PCMTD2: variants seen among roughly 807,000 people sequenced by gnomAD.
PCMTD2 encodes the protein protein-L-isoaspartate (D-aspartate) O-methyltransferase domain containing 2, also known as protein-L-isoaspartate O-methyltransferase domain-containing protein 2.
A neutral mutation model predicts 33.4 loss-of-function variants in PCMTD2; 16 were observed. The observed-to-expected ratio is 0.48, with a 90% confidence interval of 0.32 to 0.73. The LOEUF (loss-of-function observed/expected upper bound fraction) is 0.73. Ranked by LOEUF, PCMTD2 falls within the 30% of genes least tolerant of loss-of-function variation. PCMTD2 has a pLI of 0.03. For missense variants in PCMTD2, 374 were observed against 449.9 expected, an observed-to-expected ratio of 0.83 and a Z score of 1.53; for synonymous variants, 161 against 160.8, an observed-to-expected ratio of 1.00 and a Z score of -0.01.
At chr20:64,261,194 G>C (rs563809725) in intron 2 of PCMTD2, among the ~76,000 whole-genome samples, 81 of 152,230 alleles carry the variant, frequency 5.3e-4, no homozygotes, top group Non-Finnish European at 1.0e-3. Flanking sequence ...TGTGAGGGGC[G>C]GGGAAGGCAT....
rs150319731 is a variant in PCMTD2 at position 64,258,392 on chromosome 20, G to T, written c.-24-1550G>T. Among the ~76,000 whole-genome samples, 248 of 152,166 alleles carry T rather than the reference G, an allele frequency of 1.6e-3. 2 individuals are homozygous for T. The highest frequency in any genetic ancestry group is 5.7e-3 in the African/African-American group (236 of 41,520). On this transcript the variant is annotated intron_variant, in intron 1 of 5. Transcript: ENST00000308824. ...GAAACAATTCAAAAAATTCAAAAAG[G>T]GTGTGAAAATTTAATGACTGGACCA...
chr20:64,257,890 A>G (rs1009649632), intron 1 of PCMTD2, among the ~76,000 whole-genome samples: 18 of 152,216 alleles, frequency 1.2e-4, no homozygotes, highest in South Asian at 4.1e-4. Flanking sequence ...GCCAGCTCCA[A>G]TTTGCTTCTT....
In PCMTD2 at chr20:64,264,439, T is replaced by C. The variant is rs768787975; in HGVS notation, c.318T>C (p.Gly106=). Residue 106 remains glycine, a synonymous_variant, in exon 3 of 6, where the codon GGT becomes GGC. Coordinates refer to ENST00000308824, the MANE Select transcript of PCMTD2 (RefSeq NM_018257.3). ...SMVGLILGPF[G]VNHGVELHSD... ...TCTTAAACCTTTTAGGTCCTTTTGG[T>C]GTGAACCATGGGGTGGAACTTCACT... 5 of 1,573,500 alleles carry C rather than the reference T, an allele frequency of 3.2e-6. No homozygotes were observed. The Admixed American group carries it at 5.0e-5, about 16-fold the overall frequency.
intron 5 of PCMTD2, 139 bp downstream of exon 5, chr20:64,268,149 GCAAT>G (rs1555819886): frequency 1.2e-4 from 61 of 491,144 alleles, no homozygotes; most frequent in Non-Finnish European, 1.9e-4. Flanking sequence ...AATTCTACAA[GCAAT>G]TTCAGGCATT....
chr20:64,264,764 A>G (rs975743453), intron 3 of PCMTD2, among the ~76,000 whole-genome samples: 5 of 152,250 alleles, frequency 3.3e-5, no homozygotes, highest in African/African-American at 9.6e-5. Context: ...TTTCCTGTTG[A>G]AGACAACTGT....
chr20:64,257,377 A>AGT (rs1415455258), intron 1 of PCMTD2, among the ~76,000 whole-genome samples: 15 of 152,252 alleles, frequency 9.9e-5, no homozygotes, highest in Non-Finnish European at 2.1e-4. Flanking sequence ...GACTGTTGCT[A>AGT]GTTACCACAG....
At chr20:64,266,215 C>T (rs1386351128) in intron 4 of PCMTD2, among the ~76,000 whole-genome samples, 2 of 152,026 alleles carry the variant, frequency 1.3e-5, no homozygotes, top group South Asian at 2.1e-4. Context: ...ACTATAGGCA[C>T]GTGCTGCCAT....
chr20:64,258,419 C>G (rs1006361895), intron 1 of PCMTD2, among the ~76,000 whole-genome samples: 1 of 152,202 alleles, frequency 6.6e-6, no homozygotes, highest in Non-Finnish European at 1.5e-5. Flanking sequence ...ACTGGACCAT[C>G]CTATTGATTT....
At chr20:64,260,706 GTTT>G (rs10585176) in intron 2 of PCMTD2, among the ~76,000 whole-genome samples, 3 of 117,562 alleles carry the variant, frequency 2.6e-5, no homozygotes, top group African/African-American at 3.5e-5. Context: ...TGTTTTGTTG[GTTT>G]TTTTTTTTTT....
chr20:64,261,942 GA>G (rs1367591142), intron 2 of PCMTD2, among the ~76,000 whole-genome samples: 1 of 152,198 alleles, frequency 6.6e-6, no homozygotes, highest in Non-Finnish European at 1.5e-5. Flanking sequence ...AAATGCTTAG[GA>G]AAAGATGACT....
At chr20:64,256,103 G>C (rs1985152199) in intron 1 of PCMTD2, among the ~76,000 whole-genome samples, 1 of 152,106 alleles carries the variant, frequency 6.6e-6, no homozygotes, top group African/African-American at 2.4e-5. Context: ...GGTCTCTCCC[G>C]GTGCCCGTTG....
intron 2 of PCMTD2, chr20:64,262,887 C>T (rs1486071886): frequency 6.6e-6 from 1 of 152,296 alleles, no homozygotes; most frequent in Non-Finnish European, 1.5e-5. Flanking sequence ...GGCCTCGCTG[C>T]TCTGGTTTCA....
At chr20:64,257,047 T>C (rs945799756) in intron 1 of PCMTD2, 1 of 152,268 alleles carries the variant, frequency 6.6e-6, no homozygotes, top group Non-Finnish European at 1.5e-5. Context: ...GTTCTGGTTT[T>C]CAAGGTGAGA....
At chr20:64,258,251 T>C (rs1015985179) in intron 1 of PCMTD2, among the ~76,000 whole-genome samples, 43 of 152,178 alleles carry the variant, frequency 2.8e-4, no homozygotes, top group Non-Finnish European at 2.4e-4. Flanking sequence ...TGTGGTAGGC[T>C]AGGGTGCAGC....
At chr20:64,269,731 G>A (rs901813355) in intron 5 of PCMTD2, among the ~76,000 whole-genome samples, 2 of 151,644 alleles carry the variant, frequency 1.3e-5, no homozygotes, top group African/African-American at 4.9e-5. Context: ...GTGAGAGTGC[G>A]GACATGCGCA....
At chr20:64,269,946 C>A in intron 5 of PCMTD2, among the ~76,000 whole-genome samples, 1 of 102,246 alleles carries the variant, frequency 9.8e-6, no homozygotes, top group Non-Finnish European at 2.0e-5. Context: ...GTGTGGGGTC[C>A]CGTGAGTGAG....
intron 2 of PCMTD2, among the ~76,000 whole-genome samples, chr20:64,261,822 T>C (rs986466171): frequency 6.6e-6 from 1 of 152,178 alleles, no homozygotes; most frequent in Admixed American, 6.5e-5. Context: ...ATTTGGGAAT[T>C]GTGATTTCCT....
rs779369325 is a variant in PCMTD2 at position 64,273,470 on chromosome 20, G to C, written c.956G>C (p.Arg319Thr). The C allele has an allele frequency of 6.2e-6, 10 of 1,612,878 alleles. No individual in the cohort carries two copies. The highest frequency in any genetic ancestry group is 7.6e-6 in the Non-Finnish European group (9 of 1,179,638). Reference sequence around the variant, plus strand: ...TGTGAAGACTTGGAAGAGGAACGGAGGGAAGAAGAAGAGAAGACCCCGCCG... The same window carrying C: ...TGTGAAGACTTGGAAGAGGAACGGACGGAAGAAGAAGAGAAGACCCCGCCG... ...NSCEDLEEER[R>T]EEEEKTPPET... The change falls in exon 6 of 6, where the codon AGG becomes ACG. Residue 319 changes from arginine (R) to threonine (T), a missense_variant. Coordinates refer to ENST00000308824, the MANE Select transcript of PCMTD2 (RefSeq NM_018257.3).
At position 64,273,703 on chromosome 20, in the gene PCMTD2, G is replaced by T; in HGVS notation, c.*103G>T. The T allele has an allele frequency of 1.0e-6, 1 of 953,838 alleles. No individual in the cohort carries two copies. Among genetic ancestry groups the T allele is most frequent in the Non-Finnish European group, 1.5e-6 (1 of 647,584 alleles). 59.1% of individuals were successfully genotyped at this position (953,838 alleles called of 1,614,324 possible). On this transcript the variant is annotated 3_prime_UTR_variant, in exon 6 of 6. Transcript: ENST00000308824. Reference sequence around the variant, plus strand: ...GGTCACCTGGAGGCAGACGTTGTGGGGAAGGGAACTGCTGGGCTCATCCAC... The same window carrying T: ...GGTCACCTGGAGGCAGACGTTGTGGTGAAGGGAACTGCTGGGCTCATCCAC...
Sources: allele counts gnomAD v4.1 joint callset (sites outside exome capture counted in the v4.1 genomes callset), GRCh38; gene constraint gnomAD v4.1.1; transcripts MANE v1.5; gene names NCBI Gene and HGNC (gene_info 2026-07-23, HGNC 2026-07-21).